Variants in MYH9 observed in about 807,000 individuals in gnomAD.
MYH9 encodes the protein myosin heavy chain 9.
MYH9 carries 29 observed loss-of-function variants against 241.9 expected under a neutral mutation model. The ratio of observed to expected loss-of-function variants is 0.12; its 90% CI spans 0.09 to 0.16. The LOEUF (loss-of-function observed/expected upper bound fraction) is 0.16, where lower values mean the gene tolerates loss of function less well. Among genes scored for constraint, MYH9 ranks in the 10% least tolerant of loss-of-function variants. The probability of loss-of-function intolerance (pLI) is 1.00; values close to 1 mark genes in which losing one functional copy is unlikely to be tolerated. For synonymous variants in MYH9, 1,047 were observed against 1,062.6 expected, an observed-to-expected ratio of 0.99 and a Z score of 0.29; for missense variants, 1,803 against 2,595.5, an observed-to-expected ratio of 0.69 and a Z score of 6.63.
intron 1 of MYH9, among the ~76,000 whole-genome samples, chr22:36,357,662 G>T (rs375445881): frequency 5.3e-5 from 8 of 152,160 alleles, no homozygotes; most frequent in African/African-American, 1.9e-4. Context: ...CCTCTCAGTC[G>T]TCATCCTCCC....
Position 36,349,206 on chromosome 22 carries a change from A to G in MYH9, c.31T>C (p.Tyr11His). 1.2e-6 allele frequency: 2 copies of G among 1,614,208 alleles called. No homozygotes were observed. The highest frequency in any genetic ancestry group is 1.7e-6 in the Non-Finnish European group (2 of 1,180,040). ...TTGTTGATGAAGTTTTTATCCACAT[A>G]GAGATACTTATCGGCAGCTTGCTGT... MAQQAADKYL[Y>H]VDKNFINNPL... Residue 11 changes from tyrosine (Y) to histidine (H), a missense_variant, in exon 2 of 41, where the codon TAT becomes CAT. Coordinates refer to ENST00000216181, the MANE Select transcript of MYH9 (RefSeq NM_002473.6).
intron 1 of MYH9, among the ~76,000 whole-genome samples, chr22:36,351,002 C>G (rs2017756780): frequency 6.6e-6 from 1 of 152,206 alleles, no homozygotes; most frequent in African/African-American, 2.4e-5. Flanking sequence ...ACACCATGGG[C>G]TTTTGTGCTT....
At chr22:36,322,558 G>A (rs2017271748) in intron 5 of MYH9, 37 bp from the exon 6 acceptor site, 2 of 1,603,348 alleles carry the variant, frequency 1.2e-6, no homozygotes, top group Non-Finnish European at 1.7e-6. Flanking sequence ...AGGCCGGGCA[G>A]CGACCTGGGC....
intron 31 of MYH9, among the ~76,000 whole-genome samples, chr22:36,290,147 G>C (rs892846397): frequency 6.6e-6 from 1 of 152,134 alleles, no homozygotes; most frequent in South Asian, 2.1e-4. Flanking sequence ...CAGTCAAACC[G>C]CAGGAGTTTG....
chr22:36,302,903 A>G (rs1202721495), intron 19 of MYH9, among the ~76,000 whole-genome samples: 2 of 152,198 alleles, frequency 1.3e-5, no homozygotes, highest in African/African-American at 4.8e-5. Flanking sequence ...GACCTAGGTC[A>G]CCAGACTACC....
Position 36,321,882 on chromosome 22 carries a change from C to T in MYH9, c.706-61G>A, listed in dbSNP as rs1391670843. On this transcript the variant is annotated intron_variant, in intron 6 of 40. Transcript: ENST00000216181. ...CCCTGACATGGGGAGCTAGAGAGCA[C>T]GGGGGAGACCACAGCCCCCCGCCCC... 20 of 1,428,440 alleles carry T rather than the reference C, an allele frequency of 1.4e-5. No individual in the cohort carries two copies. In the Admixed American group the frequency reaches 2.0e-4, roughly 14 times the overall value. The allele number at this position is 1,428,440 out of a possible 1,614,324, so 88.5% of individuals were successfully genotyped here. A position where few individuals can be genotyped will look rare whatever the true frequency, so the allele number is the denominator to read the frequency against.
chr22:36,294,412 G>C, intron 27 of MYH9, 114 bp from the exon 28 acceptor site: 1 of 1,127,398 alleles, frequency 8.9e-7, no homozygotes, highest in African/African-American at 1.5e-5. Context: ...CCTGACGACG[G>C]TGTGCCTGCG....
intron 1 of MYH9, among the ~76,000 whole-genome samples, chr22:36,378,837 G>C (rs1030819986): frequency 6.6e-6 from 1 of 152,064 alleles, no homozygotes; most frequent in Non-Finnish European, 1.5e-5. Flanking sequence ...AAAAAAAAGA[G>C]AGTCACCATT....
chr22:36,300,997 C>G lies in MYH9; in HGVS notation c.2692G>C (p.Glu898Gln). ...AGGCGGGCCCGGAGCTCCTCAGCCT[C>G]GGCACACAGCTCGGTTTCTGCCTGG... ...QLQAETELCA[E>Q]AEELRARLTA... Residue 898 changes from glutamate (E) to glutamine (Q), a missense_variant, in exon 22 of 41, where the codon GAG (glutamate) becomes CAG (glutamine). By Grantham distance (29) the Glu-to-Gln change is conservative. Coordinates refer to ENST00000216181, the MANE Select transcript of MYH9 (RefSeq NM_002473.6). The surrounding 1 kb of genome is among the most constrained non-coding windows in gnomAD (Gnocchi z 5.0). 6.2e-7 allele frequency: 1 copy of G among 1,611,908 alleles called. No homozygotes were observed. The highest frequency in any genetic ancestry group is 8.5e-7 in the Non-Finnish European group (1 of 1,180,024).
intron 1 of MYH9, among the ~76,000 whole-genome samples, chr22:36,378,835 G>A (rs1383932908): frequency 1.3e-5 from 2 of 151,944 alleles, no homozygotes; most frequent in African/African-American, 4.8e-5. Context: ...CAAAAAAAAA[G>A]AGAGTCACCA....
At chr22:36,327,925 T>C (rs1485247081) in intron 3 of MYH9, among the ~76,000 whole-genome samples, 1 of 152,096 alleles carries the variant, frequency 6.6e-6, no homozygotes, top group African/African-American at 2.4e-5. Flanking sequence ...AGGAGCACCA[T>C]TTAAGAGGCT....
At chr22:36,321,292 C>T (rs55816447) in intron 7 of MYH9, among the ~76,000 whole-genome samples, 10,513 of 152,180 alleles carry the variant, frequency 0.069, 1,256 homozygotes, top group African/African-American at 0.24. Context: ...TGAACTTCAC[C>T]AGGAAGGAAG....
At chr22:36,345,237 G>A (rs1325166862) in intron 2 of MYH9, among the ~76,000 whole-genome samples, 11 of 151,458 alleles carry the variant, frequency 7.3e-5, no homozygotes, top group Admixed American at 1.3e-4. Flanking sequence ...GCGTGAACCC[G>A]GGAGGCAGAG....
chr22:36,378,517 G>A (rs1002050434), intron 1 of MYH9, among the ~76,000 whole-genome samples: 3 of 152,234 alleles, frequency 2.0e-5, no homozygotes, highest in African/African-American at 7.2e-5. Context: ...GTGACCTAAA[G>A]TTACTAGAAA....
Position 36,284,477 on chromosome 22 carries a change from T to C in MYH9, c.5518A>G (p.Thr1840Ala). 3 of 1,613,340 alleles carry C rather than the reference T, an allele frequency of 1.9e-6. No individual in the cohort carries two copies. The highest frequency in any genetic ancestry group is 1.7e-6 in the Non-Finnish European group (2 of 1,180,022). Reference sequence around the variant, plus strand: ...AGCACATCCTTCAGCTTCTTCTCGGTCCGACGCACCTGTTTGCAGGCTGCC... The same window carrying C: ...AGCACATCCTTCAGCTTCTTCTCGGCCCGACGCACCTGTTTGCAGGCTGCC... Reference protein sequence around the residue: ...RQAACKQVRRTEKKLKDVLLQ... With the variant: ...RQAACKQVRRAEKKLKDVLLQ... Residue 1840 changes from threonine (T) to alanine (A), a missense_variant, in exon 39 of 41, where the codon ACC becomes GCC. Physicochemically the swap from Thr to Ala is moderately conservative, Grantham distance 58. Around this residue, in one of 11 missense-constraint regions of MYH9, gnomAD observed 876 missense variants for 1,077.8 expected, o/e 0.81. Coordinates refer to ENST00000216181, the MANE Select transcript of MYH9 (RefSeq NM_002473.6).
chr22:36,355,541 C>T (rs1458351827), intron 1 of MYH9, among the ~76,000 whole-genome samples: 1 of 152,200 alleles, frequency 6.6e-6, no homozygotes, highest in Admixed American at 6.5e-5. Flanking sequence ...ACAACGAGGG[C>T]TGATGTAAAC....
At chr22:36,363,282 C>T (rs2017963777) in intron 1 of MYH9, among the ~76,000 whole-genome samples, 1 of 152,212 alleles carries the variant, frequency 6.6e-6, no homozygotes, top group South Asian at 2.1e-4. Context: ...TCTCTTAGAA[C>T]TCTCTAGAGG....
chr22:36,288,947 C>G lies in MYH9; in HGVS notation c.4558-8G>C. ...CTTCTCCAGCTCGTGGACCTGAGCC[C>G]CAGAGAGCCCAAGTCAGGAGCAAAG... On this transcript the variant is annotated splice_polypyrimidine_tract_variant and splice_region_variant and intron_variant, in intron 32 of 40. Coordinates refer to ENST00000216181, the MANE Select transcript of MYH9 (RefSeq NM_002473.6). The surrounding 1 kb of genome is among the most constrained non-coding windows in gnomAD (Gnocchi z 4.8). The G allele has an allele frequency of 6.2e-7, 1 of 1,613,770 alleles. No homozygotes were observed. The highest frequency in any genetic ancestry group is 8.5e-7 in the Non-Finnish European group (1 of 1,180,018).
In MYH9 at chr22:36,295,728, G is replaced by T; in HGVS notation, c.3273-11C>A. On this transcript the variant is annotated splice_polypyrimidine_tract_variant and intron_variant, in intron 25 of 40. Coordinates refer to ENST00000216181, the MANE Select transcript of MYH9 (RefSeq NM_002473.6). The surrounding 1 kb of genome is among the most constrained non-coding windows in gnomAD (Gnocchi z 4.1). ...GCTTCCTCTTCCACTCTGCCAAAGC[G>T]ACCAGCAACATCAGTATAAGGAGAG... 1 of 1,609,794 alleles carries T rather than the reference G, an allele frequency of 6.2e-7. No homozygotes were observed. The highest frequency in any genetic ancestry group is 1.1e-5 in the South Asian group (1 of 90,502).
Sources: allele counts gnomAD v4.1 joint callset (sites outside exome capture counted in the v4.1 genomes callset), GRCh38; gene constraint gnomAD v4.1.1; regional missense constraint gnomAD v4.1.1; non-coding constraint Gnocchi (gnomAD v3.1); transcripts MANE v1.5; gene names NCBI Gene and HGNC (gene_info 2026-07-23, HGNC 2026-07-21).